The following DENND4C variants were observed in gnomAD, a reference collection of about 807,000 sequenced individuals.
DENND4C encodes the protein DENN domain-containing protein 4C.
Under a neutral mutation model 203.0 loss-of-function variants are expected in DENND4C, and 108 were observed. The observed-to-expected ratio is 0.53, with a 90% CI of 0.46 to 0.62. DENND4C has a LOEUF of 0.62. Among genes scored for constraint, DENND4C ranks in the 20% least tolerant of loss-of-function variants. DENND4C has a pLI of 0.00. For synonymous variants in DENND4C, 871 were observed against 792.4 expected, an observed-to-expected ratio of 1.10 and a Z score of -1.67; for missense variants, 2,481 against 2,301.2, an observed-to-expected ratio of 1.08 and a Z score of -1.60.
intron 20 of DENND4C, among the ~76,000 whole-genome samples, chr9:19,337,425 T>G (rs1210705554): frequency 3.2e-4 from 49 of 152,206 alleles, no homozygotes; most frequent in Admixed American, 3.2e-3. Flanking sequence ...GTGGTTGTTT[T>G]TAATATCTCA....
chr9:19,236,502 C>T (rs947988619), intron 1 of DENND4C, among the ~76,000 whole-genome samples: 3 of 152,176 alleles, frequency 2.0e-5, no homozygotes, highest in Non-Finnish European at 4.4e-5. Context: ...AAGGGTCTTA[C>T]AGTCAAGTAA....
chr9:19,241,685 C>T (rs1269767322), intron 1 of DENND4C, among the ~76,000 whole-genome samples: 1 of 151,984 alleles, frequency 6.6e-6, no homozygotes, highest in African/African-American at 2.4e-5. Context: ...GTCTGGACTA[C>T]CTCCTGAAGG....
chr9:19,301,097 G>C (rs887374007), intron 9 of DENND4C, among the ~76,000 whole-genome samples: 2 of 151,574 alleles, frequency 1.3e-5, no homozygotes, highest in East Asian at 1.9e-4. Flanking sequence ...AGAATTGCTT[G>C]AACCCAGGAG....
At chr9:19,315,585 A>G (rs1213674452) in intron 10 of DENND4C, among the ~76,000 whole-genome samples, 3 of 151,282 alleles carry the variant, frequency 2.0e-5, no homozygotes, top group Non-Finnish European at 4.4e-5. Context: ...ACGTGTACAT[A>G]TATGTATGTG....
chr9:19,235,491 T>C (rs1821709010), intron 1 of DENND4C, among the ~76,000 whole-genome samples: 1 of 152,116 alleles, frequency 6.6e-6, no homozygotes, highest in Non-Finnish European at 1.5e-5. Context: ...GTAATTCTTA[T>C]ACTCTTATAC....
intron 17 of DENND4C, 110 bp downstream of exon 17, chr9:19,332,294 G>A: frequency 2.4e-6 from 2 of 827,144 alleles, no homozygotes; most frequent in South Asian, 3.2e-5. Context: ...TCATTAAGCA[G>A]GAAAGGTAAA....
At chr9:19,306,640 A>G (rs760781260) in intron 10 of DENND4C, among the ~76,000 whole-genome samples, 3 of 152,030 alleles carry the variant, frequency 2.0e-5, no homozygotes, top group Non-Finnish European at 2.9e-5. Flanking sequence ...TCTGAATAAA[A>G]TAATATGGAG....
intron 2 of DENND4C, among the ~76,000 whole-genome samples, chr9:19,286,315 C>T (rs548389664): frequency 4.1e-4 from 62 of 152,048 alleles, no homozygotes; most frequent in Non-Finnish European, 7.2e-4. Flanking sequence ...ATTTATTCAG[C>T]TCTTTAATTT....
At chr9:19,240,833 G>A (rs1228012733) in intron 1 of DENND4C, among the ~76,000 whole-genome samples, 1 of 151,872 alleles carries the variant, frequency 6.6e-6, no homozygotes, top group Non-Finnish European at 1.5e-5. Flanking sequence ...CTGGTATGGT[G>A]GTGGACGCCT....
chr9:19,333,537 T>G (rs947199908), intron 17 of DENND4C, among the ~76,000 whole-genome samples: 1 of 152,190 alleles, frequency 6.6e-6, no homozygotes, highest in Non-Finnish European at 1.5e-5. Context: ...AGAGCGAAAT[T>G]GCTCCTGGAG....
chr9:19,367,547 C>G (rs910598420), intron 30 of DENND4C, among the ~76,000 whole-genome samples: 7 of 152,322 alleles, frequency 4.6e-5, no homozygotes, highest in Middle Eastern at 3.4e-3. Context: ...ACCAACCTGG[C>G]CAACATGGGG....
chr9:19,306,160 CAGTA>C (rs1023006066), intron 10 of DENND4C, among the ~76,000 whole-genome samples: 1 of 152,114 alleles, frequency 6.6e-6, no homozygotes, highest in Non-Finnish European at 1.5e-5. Flanking sequence ...TGGGAAAGGA[CAGTA>C]AGTATTAAAA....
chr9:19,289,897 TTTGTTG>T (rs941665320), intron 4 of DENND4C, among the ~76,000 whole-genome samples: 1 of 152,106 alleles, frequency 6.6e-6, no homozygotes, highest in Non-Finnish European at 1.5e-5. Flanking sequence ...ATGTCCTTTT[TTTGTTG>T]TTGTTGTTGT....
chr9:19,348,611 G>A lies in DENND4C; in HGVS notation c.4317+1525G>A, dbSNP rs946968794. Among the ~76,000 whole-genome samples the A allele has an allele frequency of 3.9e-5, 6 of 151,924 alleles. 1 individual carries two copies. Among genetic ancestry groups the A allele is most frequent in the Non-Finnish European group, 2.9e-5 (2 of 67,962 alleles). On this transcript the variant is annotated intron_variant, in intron 23 of 32. Transcript: ENST00000434457. ...AGAGACGTGGGAAAAAAAATTAGAC[G>A]TATAAGACTTTTATACCATTTGAAG...
chr9:19,258,469 A>G (rs1828529300), intron 1 of DENND4C, among the ~76,000 whole-genome samples: 2 of 152,206 alleles, frequency 1.3e-5, no homozygotes, highest in African/African-American at 2.4e-5. Context: ...ATAGAATTCA[A>G]GAACATATAA....
At chr9:19,240,610 G>C (rs779136030) in intron 1 of DENND4C, among the ~76,000 whole-genome samples, 1 of 151,220 alleles carries the variant, frequency 6.6e-6, no homozygotes, top group African/African-American at 2.4e-5. Flanking sequence ...AGGTTGCAGT[G>C]AGCCGAGATC....
At chr9:19,285,495 A>G (rs1392706664) in intron 2 of DENND4C, among the ~76,000 whole-genome samples, 3 of 151,642 alleles carry the variant, frequency 2.0e-5, no homozygotes, top group Admixed American at 6.6e-5. Flanking sequence ...CTAGGTAACT[A>G]TTAATCTACT....
intron 1 of DENND4C, among the ~76,000 whole-genome samples, chr9:19,237,639 A>G (rs926873662): frequency 6.6e-6 from 1 of 152,080 alleles, no homozygotes; most frequent in East Asian, 1.9e-4. Context: ...TTACAGGCGT[A>G]GCCATCGCAC....
intron 9 of DENND4C, among the ~76,000 whole-genome samples, chr9:19,304,863 GT>G (rs1563783407): frequency 6.7e-6 from 1 of 149,748 alleles, no homozygotes; most frequent in East Asian, 2.0e-4. Flanking sequence ...ATTTTTTTTT[GT>G]TGAGCTCTTT....
Sources: allele counts gnomAD v4.1 joint callset (sites outside exome capture counted in the v4.1 genomes callset), GRCh38; gene constraint gnomAD v4.1.1; transcripts MANE v1.5; gene names NCBI Gene and HGNC (gene_info 2026-07-23, HGNC 2026-07-21).